The following MAP2K7 variants were observed in gnomAD, a reference collection of about 807,000 sequenced individuals.
MAP2K7 encodes the protein dual specificity mitogen-activated protein kinase kinase 7.
A neutral mutation model predicts 47.7 loss-of-function variants in MAP2K7; 12 were observed. The ratio of observed to expected loss-of-function variants is 0.25; its 90% CI spans 0.16 to 0.41. MAP2K7 has a LOEUF of 0.41. Ranked by LOEUF, MAP2K7 falls within the 10% of genes least tolerant of loss-of-function variation. The pLI is 1.00. For synonymous variants in MAP2K7, 299 were observed against 243.0 expected, an observed-to-expected ratio of 1.23 and a Z score of -2.14; for missense variants, 415 against 600.3, an observed-to-expected ratio of 0.69 and a Z score of 3.23.
At chr19:7,911,600 G>A (rs1381089099) in intron 9 of MAP2K7, 22 bp downstream of exon 9, 3 of 1,564,448 alleles carry the variant, frequency 1.9e-6, no homozygotes, top group Admixed American at 3.5e-5. Flanking sequence ...CCTCCACTTG[G>A]GAGGTCAGGG....
chr19:7,912,458 G>C lies in MAP2K7; in HGVS notation c.*27G>C, dbSNP rs370693649. 3.1e-5 allele frequency: 50 copies of C among 1,595,320 alleles called. No homozygotes were observed. The highest frequency in any genetic ancestry group is 4.3e-5 in the Non-Finnish European group (50 of 1,174,682). On this transcript the variant is annotated 3_prime_UTR_variant, in exon 11 of 11. Transcript: ENST00000397979. The stretch of plus-strand genomic sequence containing the variant: ...TGCTTGGCGGCGGCCAGCCCCACAG[G>C]GGGCCAGGGGCATGGCCACAGGCCC...
At chr19:7,907,213 C>T (rs1345734907) in intron 1 of MAP2K7, 1 of 152,066 alleles carries the variant, frequency 6.6e-6, no homozygotes, top group Non-Finnish European at 1.5e-5. Flanking sequence ...CGCCAGGGCT[C>T]TGAGCGCAGC....
chr19:7,907,471 C>T (rs560311497), intron 1 of MAP2K7, among the ~76,000 whole-genome samples: 1 of 152,224 alleles, frequency 6.6e-6, no homozygotes, highest in African/African-American at 2.4e-5. Flanking sequence ...TCGGCAGACA[C>T]GTGCCCTCCA....
At chr19:7,904,297 C>A (rs1982294026) in intron 1 of MAP2K7, among the ~76,000 whole-genome samples, 1 of 152,150 alleles carries the variant, frequency 6.6e-6, no homozygotes, top group Non-Finnish European at 1.5e-5. Flanking sequence ...AGTTCCCGGA[C>A]CCAGGCGAGG....
In MAP2K7 at chr19:7,911,870, T is replaced by C. The variant is rs556257176; in HGVS notation, c.1080-279T>C. Among the ~76,000 whole-genome samples, 5 of 152,286 alleles carry C rather than the reference T, an allele frequency of 3.3e-5. No individual in the cohort carries two copies. In the East Asian group the frequency reaches 9.7e-4, roughly 29 times the overall value. Reference sequence around the variant, plus strand: ...CACAGCTACAAGTTCAGGAGGGCCATGTTCGATTCTCTCAGGGGAGCCCCA... The same window carrying C: ...CACAGCTACAAGTTCAGGAGGGCCACGTTCGATTCTCTCAGGGGAGCCCCA... On this transcript the variant is annotated intron_variant, in intron 9 of 10. Coordinates refer to ENST00000397979, the MANE Select transcript of MAP2K7 (RefSeq NM_145185.4).
intron 3 of MAP2K7, 51 bp downstream of exon 3, chr19:7,910,180 C>T (rs1416082428): frequency 6.3e-7 from 1 of 1,594,626 alleles, no homozygotes; most frequent in Non-Finnish European, 8.5e-7. Flanking sequence ...CCAGGCTGGA[C>T]CCATCCTGGG....
intron 1 of MAP2K7, chr19:7,904,612 C>T (rs1476803179): frequency 2.4e-5 from 4 of 169,850 alleles, no homozygotes; most frequent in Non-Finnish European, 4.0e-5. Context: ...CTCTCGCTCT[C>T]CCTGTGACCG....
At position 7,904,047 on chromosome 19, in the gene MAP2K7, A is replaced by T; in HGVS notation, c.103A>T (p.Ser35Cys). ...RRRIDLNLDI[S>C]PQRPRPTLQL... is the part of the protein sequence containing the mutation. ...GAGGATCGACCTCAACCTGGATATC[A>T]GCCCCCAGCGGCCCAGGCCCAGTAA... Residue 35 changes from serine to cysteine, a missense_variant, in exon 1 of 11, where the codon AGC becomes TGC. Transcript: ENST00000397979. 7.9e-7 allele frequency: 1 copy of T among 1,259,178 alleles called. No individual in the cohort carries two copies. Among genetic ancestry groups the T allele is most frequent in the East Asian group, 7.6e-5 (1 of 13,122 alleles). The allele number at this position is 1,259,178 out of a possible 1,614,324, so 78.0% of individuals were successfully genotyped here. A position where few individuals can be genotyped will look rare whatever the true frequency, so the allele number is the denominator to read the frequency against.
At position 7,907,790 on chromosome 19, in the gene MAP2K7, G is replaced by A. The variant is rs971336247; in HGVS notation, c.125-1965G>A. ...CAACCGCTGAGTGCAGGGTGTGAGCGGGACTCGGATACTCTCTGAGGGCGG... is the reference window on the plus strand; with the variant it reads ...CAACCGCTGAGTGCAGGGTGTGAGCAGGACTCGGATACTCTCTGAGGGCGG... On this transcript the variant is annotated intron_variant, in intron 1 of 10. Coordinates refer to ENST00000397979, the MANE Select transcript of MAP2K7 (RefSeq NM_145185.4). 3.3e-5 allele frequency among the ~76,000 whole-genome samples: 5 copies of A among 152,130 alleles called. No individual in the cohort carries two copies. In the East Asian group the frequency reaches 5.8e-4, roughly 18 times the overall value.
chr19:7,906,221 G>A, intron 1 of MAP2K7: 1 of 287,970 alleles, frequency 3.5e-6, no homozygotes, highest in Non-Finnish European at 6.8e-6. Flanking sequence ...TGTGCCTATG[G>A]ATCTCTCTCA....
chr19:7,903,895 C>G lies in MAP2K7; in HGVS notation c.-50C>G. ...CAGGCGCAGTGCGGTGTTTGTCTGC[C>G]GGACTGACGGGCGGCCGGGCGGTGC... On this transcript the variant is annotated 5_prime_UTR_variant, in exon 1 of 11. Coordinates refer to ENST00000397979, the MANE Select transcript of MAP2K7 (RefSeq NM_145185.4). 1.4e-6 allele frequency: 2 copies of G among 1,409,028 alleles called. No individual in the cohort carries two copies. The highest frequency in any genetic ancestry group is 2.7e-5 in the South Asian group (2 of 73,306). The allele number at this position is 1,409,028 out of a possible 1,614,324, so 87.3% of individuals were successfully genotyped here. A position where few individuals can be genotyped will look rare whatever the true frequency, so the allele number is the denominator to read the frequency against.
intron 6 of MAP2K7, 58 bp from the exon 7 acceptor site, chr19:7,910,922 G>C: frequency 6.3e-7 from 1 of 1,592,138 alleles, no homozygotes; most frequent in Non-Finnish European, 8.6e-7. Flanking sequence ...CGTGCACCGG[G>C]CAGGTGGCCT....
Position 7,909,748 on chromosome 19 carries a change from C to A in MAP2K7, c.125-7C>A, listed in dbSNP as rs564589546. ...CCCCTCCCTGCCACTGGTTCTCACC[C>A]CCCTAGCCCTGCAGCTCCCGCTGGC... On this transcript the variant is annotated splice_region_variant and splice_polypyrimidine_tract_variant and intron_variant, in intron 1 of 10. Coordinates refer to ENST00000397979, the MANE Select transcript of MAP2K7 (RefSeq NM_145185.4). The A allele has an allele frequency of 5.9e-6, 9 of 1,537,664 alleles. No individual in the cohort carries two copies. In the South Asian group the frequency reaches 9.6e-5, roughly 16 times the overall value.
rs374633869 is a variant in MAP2K7 at position 7,908,796 on chromosome 19, G to A, written c.125-959G>A. Among the ~76,000 whole-genome samples, 18 of 152,122 alleles carry A rather than the reference G, an allele frequency of 1.2e-4. No homozygotes were observed. In the East Asian group the frequency reaches 1.7e-3, roughly 15 times the overall value. The stretch of plus-strand genomic sequence containing the variant: ...CAGCCAGGGAGACCCTAGCTCCTCC[G>A]GGAAGCTGCCCTCCTGTCCCAGGCC... On this transcript the variant is annotated intron_variant, in intron 1 of 10. Coordinates refer to ENST00000397979, the MANE Select transcript of MAP2K7 (RefSeq NM_145185.4).
chr19:7,905,664 C>T, intron 1 of MAP2K7: 1 of 740,168 alleles, frequency 1.4e-6, no homozygotes, highest in Admixed American at 1.9e-5. Context: ...CCCTCCCCAT[C>T]TCTGTCGGTT....
chr19:7,910,248 C>G lies in MAP2K7; in HGVS notation c.334-12C>G, dbSNP rs1982735696. 4 of 1,612,324 alleles carry G rather than the reference C, an allele frequency of 2.5e-6. No individual in the cohort carries two copies. Among genetic ancestry groups the G allele is most frequent in the Non-Finnish European group, 3.4e-6 (4 of 1,179,446 alleles). On this transcript the variant is annotated splice_polypyrimidine_tract_variant and intron_variant, in intron 3 of 10. Transcript: ENST00000397979. ...GGCCCCAGGGACCCTCCAACCCTCCCTCTCCTCCCAGCGCTACCAGGCAGA... is the reference window on the plus strand; with the variant it reads ...GGCCCCAGGGACCCTCCAACCCTCCGTCTCCTCCCAGCGCTACCAGGCAGA...
At chr19:7,907,850 CAG>C (rs1228703514) in intron 1 of MAP2K7, among the ~76,000 whole-genome samples, 8 of 151,482 alleles carry the variant, frequency 5.3e-5, no homozygotes, top group Admixed American at 5.3e-4. Context: ...GCCAGGTGCA[CAG>C]GGGTTGGGGG....
chr19:7,912,105 C>G (rs756897965), intron 9 of MAP2K7, 44 bp from the exon 10 acceptor site: 6 of 1,598,238 alleles, frequency 3.8e-6, no homozygotes, highest in Non-Finnish European at 5.1e-6. Flanking sequence ...CCGGCATCCC[C>G]TCCTCCCTCG....
At position 7,904,086 on chromosome 19, in the gene MAP2K7, G is replaced by A; in HGVS notation, c.124+18G>A. ...CAGGCCCAGTAAGCACGGCGGCGTG[G>A]GGGAGGGGGCGGGCGGGCGGGGCGG... On this transcript the variant is annotated intron_variant, in intron 1 of 10. Transcript: ENST00000397979. 5.4e-6 allele frequency: 7 copies of A among 1,298,038 alleles called. No individual in the cohort carries two copies. Among genetic ancestry groups the A allele is most frequent in the Non-Finnish European group, 6.9e-6 (7 of 1,020,132 alleles). 80.4% of individuals were successfully genotyped at this position (1,298,038 alleles called of 1,614,324 possible). A position where few individuals can be genotyped will look rare whatever the true frequency, so the allele number is the denominator to read the frequency against.
Sources: gnomAD v4.1 joint callset for allele counts (sites outside exome capture counted in the v4.1 genomes callset) on GRCh38, gnomAD v4.1.1 for gene constraint, MANE v1.5 for transcripts, NCBI Gene and HGNC (gene_info 2026-07-23, HGNC 2026-07-21) for gene names.